Variants in ARL15 observed in about 807,000 individuals in gnomAD.
ARL15 encodes the protein ADP-ribosylation factor-like protein 15.
ARL15 carries 19 observed loss-of-function variants against 25.2 expected under a neutral mutation model. That is an observed-to-expected ratio of 0.75 (90% CI 0.53 to 1.10). The LOEUF is 1.10. Ranked by LOEUF, ARL15 falls within the 50% of genes least tolerant of loss-of-function variation. ARL15 has a pLI of 0.00. For missense variants in ARL15, 220 were observed against 246.0 expected (o/e 0.89, Z 0.71); for synonymous variants, 94 against 86.8 (o/e 1.08, Z -0.46).
In ARL15 at chr5:54,047,407, T is replaced by C. The variant is rs569399538; in HGVS notation, c.462+65795A>G. On this transcript the variant is annotated intron_variant, in intron 4 of 4. Transcript: ENST00000504924. ...TCATTCTCTCCTACTGCATGTTTCA[T>C]GTCTCCCCGCAACATGGTGGATGTG... Among the ~76,000 whole-genome samples the C allele has an allele frequency of 2.0e-5, 3 of 152,310 alleles. No homozygotes were observed. In the South Asian group the frequency reaches 6.2e-4, roughly 32 times the overall value.
chr5:54,105,835 G>A (rs763479241), intron 4 of ARL15, among the ~76,000 whole-genome samples: 21 of 151,964 alleles, frequency 1.4e-4, no homozygotes, highest in African/African-American at 4.8e-4. Context: ...TGCCTGCCTC[G>A]GCCTCATTTG....
intron 1 of ARL15, among the ~76,000 whole-genome samples, chr5:54,249,735 T>C (rs1417462637): frequency 6.6e-6 from 1 of 151,392 alleles, no homozygotes; most frequent in African/African-American, 2.4e-5. Context: ...AATCCCTAGT[T>C]GTCTGAGGAA....
intron 4 of ARL15, among the ~76,000 whole-genome samples, chr5:53,990,987 G>C (rs1274779197): frequency 6.6e-6 from 1 of 151,800 alleles, no homozygotes; most frequent in Non-Finnish European, 1.5e-5. Flanking sequence ...GTTTGATTTT[G>C]AAATATTTGC....
chr5:53,980,014 G>A (rs555802823), intron 4 of ARL15, among the ~76,000 whole-genome samples: 36 of 152,186 alleles, frequency 2.4e-4, no homozygotes, highest in African/African-American at 7.7e-4. Flanking sequence ...CTAAAGTCTT[G>A]ACTCTAGTTT....
At chr5:53,903,929 G>A (rs944726063) in intron 4 of ARL15, among the ~76,000 whole-genome samples, 7 of 152,246 alleles carry the variant, frequency 4.6e-5, no homozygotes, top group Non-Finnish European at 1.0e-4. Context: ...GGTGGCCAGC[G>A]ATACTGACAG....
chr5:54,009,279 A>C (rs1309144509), intron 4 of ARL15, among the ~76,000 whole-genome samples: 1 of 152,240 alleles, frequency 6.6e-6, no homozygotes, highest in Non-Finnish European at 1.5e-5. Context: ...AGGAACTTCA[A>C]GTAACTTAGC....
At chr5:54,068,297 A>G (rs555861800) in intron 4 of ARL15, among the ~76,000 whole-genome samples, 7 of 152,280 alleles carry the variant, frequency 4.6e-5, no homozygotes, top group African/African-American at 7.2e-5. Flanking sequence ...GTAAGACCCA[A>G]TCAGTGGGTT....
chr5:53,942,770 A>G (rs1746586940), intron 4 of ARL15, among the ~76,000 whole-genome samples: 1 of 152,028 alleles, frequency 6.6e-6, no homozygotes, highest in Non-Finnish European at 1.5e-5. Flanking sequence ...AAAACAAAAC[A>G]ACCATGGGAA....
At chr5:54,164,416 T>C (rs1363227646) in intron 2 of ARL15, among the ~76,000 whole-genome samples, 6 of 152,102 alleles carry the variant, frequency 3.9e-5, no homozygotes, top group Non-Finnish European at 7.4e-5. Context: ...TGCTACGTAC[T>C]GGCTGATTTT....
At chr5:54,246,801 C>T (rs992495981) in intron 1 of ARL15, among the ~76,000 whole-genome samples, 12 of 10,374 alleles carry the variant, frequency 1.2e-3, no homozygotes, top group African/African-American at 2.4e-3. Flanking sequence ...CATGCATACA[C>T]ACACACACAC....
At chr5:53,897,449 T>A (rs1411692093) in intron 4 of ARL15, among the ~76,000 whole-genome samples, 1 of 152,232 alleles carries the variant, frequency 6.6e-6, no homozygotes, top group African/African-American at 2.4e-5. Flanking sequence ...CTGAATAATA[T>A]TCCACTGTGT....
rs574621819 is a variant in ARL15 at position 54,199,111 on chromosome 5, T to C, written c.49-27183A>G. On this transcript the variant is annotated intron_variant, in intron 1 of 4. Coordinates refer to ENST00000504924, the MANE Select transcript of ARL15 (RefSeq NM_019087.3). Reference sequence around the variant, plus strand: ...CTAGCCATATGTAGAAAGCTGAAACTGGATCCCTTCCTTACATCTTATACA... The same window carrying C: ...CTAGCCATATGTAGAAAGCTGAAACCGGATCCCTTCCTTACATCTTATACA... 2.0e-5 allele frequency among the ~76,000 whole-genome samples: 3 copies of C among 152,306 alleles called. No individual in the cohort carries two copies. In the East Asian group the frequency reaches 5.8e-4, roughly 29 times the overall value.
At chr5:54,234,829 C>T (rs905394883) in intron 1 of ARL15, among the ~76,000 whole-genome samples, 5 of 152,070 alleles carry the variant, frequency 3.3e-5, no homozygotes, top group African/African-American at 1.2e-4. Flanking sequence ...CCAGAAAATT[C>T]AGATTATAAA....
At chr5:53,921,752 A>G (rs561473953) in intron 4 of ARL15, among the ~76,000 whole-genome samples, 80 of 152,316 alleles carry the variant, frequency 5.3e-4, no homozygotes, top group Non-Finnish European at 8.2e-4. Context: ...AGCCTGGGTG[A>G]CAGAGAGAGA....
intron 1 of ARL15, among the ~76,000 whole-genome samples, chr5:54,238,720 G>T (rs374750605): frequency 6.6e-6 from 1 of 152,122 alleles, no homozygotes; most frequent in Admixed American, 6.5e-5. Context: ...CAAATCACTC[G>T]CAAAGGAAAC....
chr5:53,902,707 TACTC>T (rs1269503784), intron 4 of ARL15, among the ~76,000 whole-genome samples: 2 of 152,194 alleles, frequency 1.3e-5, no homozygotes, highest in East Asian at 3.8e-4. Context: ...AGCCACGCGT[TACTC>T]AGTCACCAAT....
chr5:54,096,407 A>G (rs1319295417), intron 4 of ARL15, among the ~76,000 whole-genome samples: 2 of 152,224 alleles, frequency 1.3e-5, no homozygotes, highest in East Asian at 3.9e-4. Flanking sequence ...ATGACATTTC[A>G]TTTCATTTCA....
intron 1 of ARL15, among the ~76,000 whole-genome samples, chr5:54,251,374 A>G (rs1349137616): frequency 1.3e-5 from 2 of 152,222 alleles, no homozygotes; most frequent in Non-Finnish European, 2.9e-5. Context: ...GTTTTTCCAC[A>G]AGCAGAATTA....
chr5:53,988,378 A>C (rs1247478708), intron 4 of ARL15, among the ~76,000 whole-genome samples: 3 of 152,000 alleles, frequency 2.0e-5, no homozygotes, highest in Admixed American at 1.3e-4. Flanking sequence ...GTTGAAAAAA[A>C]CTACATGGAC....
Sources: allele counts gnomAD v4.1 joint callset (sites outside exome capture counted in the v4.1 genomes callset), GRCh38; gene constraint gnomAD v4.1.1; transcripts MANE v1.5; gene names NCBI Gene and HGNC (gene_info 2026-07-23, HGNC 2026-07-21).